ARSF: variants seen among roughly 807,000 people sequenced by gnomAD.
The protein encoded by ARSF is arylsulfatase F.
ARSF carries 33 observed loss-of-function variants against 35.4 expected under a neutral mutation model. That is an observed-to-expected ratio of 0.93 (90% CI 0.71 to 1.25). ARSF has a LOEUF of 1.25. Ranked by LOEUF, ARSF falls within the 50% of genes most tolerant of loss-of-function variation. ARSF has a pLI of 0.00. For missense variants in ARSF, 501 were observed against 480.2 expected (o/e 1.04, Z -0.40); for synonymous variants, 222 against 193.1 (o/e 1.15, Z -1.24).
At chrX:3,082,273 C>A (rs2090207280) in intron 5 of ARSF, among the ~76,000 whole-genome samples, 1 of 111,512 alleles carries the variant, frequency 9.0e-6, no homozygotes, top group South Asian at 3.8e-4. Flanking sequence ...GCTATTCATC[C>A]ATCCATGCTG....
intron 1 of ARSF, among the ~76,000 whole-genome samples, chrX:3,046,610 A>T (rs2089976453): frequency 9.0e-6 from 1 of 111,697 alleles, no homozygotes; most frequent in South Asian, 3.8e-4. Flanking sequence ...GAAAAAGTGA[A>T]CTATTCAATC....
chrX:3,088,243 A>G (rs931177539), intron 6 of ARSF, among the ~76,000 whole-genome samples: 8 of 111,956 alleles, frequency 7.1e-5, no homozygotes, highest in Non-Finnish European at 1.3e-4. Context: ...AATGACTTCC[A>G]TACCACTGTC....
At chrX:3,043,566 T>C (rs769865755) in intron 1 of ARSF, among the ~76,000 whole-genome samples, 1 of 111,488 alleles carries the variant, frequency 9.0e-6, no homozygotes, top group South Asian at 3.8e-4. Context: ...GGGTTCCACT[T>C]CTGCTGCATC....
chrX:3,041,299 CTT>C (rs35885735), upstream of ARSF, among the ~76,000 whole-genome samples: 1 of 87,419 alleles, frequency 1.1e-5, no homozygotes. Context: ...TTTTCTTTTT[CTT>C]TTTTTTTTTT....
intron 4 of ARSF, among the ~76,000 whole-genome samples, chrX:3,079,436 C>T (rs1191717764): frequency 1.9e-5 from 2 of 105,973 alleles, no homozygotes; most frequent in Non-Finnish European, 3.9e-5. Flanking sequence ...ACCTCTGCCC[C>T]TGGGTTCAAG....
At chrX:3,040,267 C>G (rs1466308880), upstream of ARSF, among the ~76,000 whole-genome samples, 1 of 111,208 alleles carries the variant, frequency 9.0e-6, no homozygotes, top group Non-Finnish European at 1.9e-5. Context: ...CGCAGTTGCC[C>G]GAACCCGGAG....
chrX:3,095,199 T>C (rs1231169424), intron 7 of ARSF, among the ~76,000 whole-genome samples: 5 of 108,609 alleles, frequency 4.6e-5, no homozygotes, highest in Non-Finnish European at 9.5e-5. Flanking sequence ...TTTTAAGATA[T>C]AAATAGAATA....
intron 6 of ARSF, among the ~76,000 whole-genome samples, chrX:3,085,360 A>AAT (rs1007489535): frequency 6.8e-5 from 7 of 103,454 alleles, no homozygotes; most frequent in African/African-American, 1.7e-4. Context: ...CATATAGATA[A>AAT]ATATATATAT....
rs888208023 is a variant in ARSF, at chrX:3,101,187, T to G, written c.1068T>G (p.His356Gln). The change falls in exon 8 of 11, where the codon CAT becomes CAG. Residue 356 changes from histidine (H) to glutamine (Q), a missense_variant. Coordinates refer to ENST00000381127, the MANE Select transcript of ARSF (RefSeq NM_001201539.2). The stretch of plus-strand genomic sequence containing the variant: ...GGCATTTGGAAGCTAGGCGAGGGCA[T>G]GCCCAACTTGGTGGATGGAATGGAA... The part of the protein sequence containing the change: ...HGGHLEARRG[H>Q]AQLGGWNGIY... The G allele has an allele frequency of 8.3e-7, 1 of 1,209,618 alleles. No individual in the cohort carries two copies. The highest frequency in any genetic ancestry group is 1.7e-5 in the African/African-American group (1 of 57,169).
At chrX:3,102,083 T>A (rs1408913680) in intron 8 of ARSF, among the ~76,000 whole-genome samples, 20 of 111,220 alleles carry the variant, frequency 1.8e-4, no homozygotes, top group African/African-American at 6.2e-4. Context: ...AGTGTGCACT[T>A]AGGACCCAAA....
intron 5 of ARSF, among the ~76,000 whole-genome samples, chrX:3,081,768 T>G (rs1261396547): frequency 9.0e-6 from 1 of 111,723 alleles, no homozygotes; most frequent in African/African-American, 3.3e-5. Context: ...TTTATTTCAC[T>G]AAAAATGGAC....
At chrX:3,084,709 C>G in intron 6 of ARSF, 43 bp downstream of exon 6, 2 of 1,107,106 alleles carry the variant, frequency 1.8e-6, no homozygotes, top group Non-Finnish European at 2.4e-6. Flanking sequence ...TGATAATGAT[C>G]TCTTTTTTAA....
chrX:3,069,025 T>C (rs147078968), intron 2 of ARSF, among the ~76,000 whole-genome samples: 69 of 112,063 alleles, frequency 6.2e-4, no homozygotes, highest in African/African-American at 2.0e-3. Flanking sequence ...TTTTGAAACA[T>C]GTATAGACAT....
At chrX:3,056,040 T>C (rs139115560) in intron 1 of ARSF, among the ~76,000 whole-genome samples, 1,361 of 111,517 alleles carry the variant, frequency 0.012, 23 homozygotes, top group African/African-American at 0.041. Context: ...CATTGCAGCC[T>C]CAAACCCTTT....
intron 6 of ARSF, 152 bp downstream of exon 6, chrX:3,084,818 A>C: frequency 1.9e-6 from 1 of 539,913 alleles, no homozygotes; most frequent in Non-Finnish European, 2.7e-6. Flanking sequence ...CTCTAGAATA[A>C]AGAAAAGACA....
chrX:3,078,855 T>G (rs2090173727), intron 4 of ARSF, among the ~76,000 whole-genome samples: 1 of 111,219 alleles, frequency 9.0e-6, no homozygotes, highest in African/African-American at 3.3e-5. Context: ...TTCCCAATAT[T>G]GTACAACCAT....
intron 6 of ARSF, among the ~76,000 whole-genome samples, chrX:3,087,436 A>G (rs775871994): frequency 9.1e-6 from 1 of 109,400 alleles, no homozygotes; most frequent in African/African-American, 3.3e-5. Context: ...CTTCATCTGC[A>G]TATGGCCTTC....
chrX:3,069,384 C>T (rs1454250423), intron 2 of ARSF, among the ~76,000 whole-genome samples: 5 of 111,019 alleles, frequency 4.5e-5, no homozygotes, highest in East Asian at 2.8e-4. Flanking sequence ...AGTGCAGTGG[C>T]GCAATCTCAG....
At chrX:3,070,885 G>T (rs2090098187) in intron 2 of ARSF, among the ~76,000 whole-genome samples, 3 of 110,073 alleles carry the variant, frequency 2.7e-5, no homozygotes, top group African/African-American at 6.6e-5. Context: ...CTCCATCCAG[G>T]TTGCTGCAAA....
Sources: allele counts gnomAD v4.1 joint callset (sites outside exome capture counted in the v4.1 genomes callset), GRCh38; gene constraint gnomAD v4.1.1; transcripts MANE v1.5; gene names NCBI Gene and HGNC (gene_info 2026-07-23, HGNC 2026-07-21).